Variants in PDE12 observed in about 807,000 individuals in gnomAD.
PDE12 encodes 2',5'-phosphodiesterase 12.
Under a neutral mutation model 45.4 loss-of-function variants are expected in PDE12, and 26 were observed. That is an observed-to-expected ratio of 0.57 (90% CI 0.42 to 0.79). The LOEUF (loss-of-function observed/expected upper bound fraction) is 0.79. Ranked by LOEUF, PDE12 falls within the 30% of genes least tolerant of loss-of-function variation. The probability of loss-of-function intolerance (pLI) is 0.00; values close to 1 mark genes in which losing one functional copy is unlikely to be tolerated. For synonymous variants in PDE12, 283 were observed against 323.9 expected (o/e 0.87, Z 1.36); for missense variants, 668 against 790.0 (o/e 0.85, Z 1.85).
chr3:57,639,746 G>C, the PDE12 span, among the ~76,000 whole-genome samples: 1 of 151,994 alleles, frequency 6.6e-6, no homozygotes, highest in Non-Finnish European at 1.5e-5. Flanking sequence ...TTAGCACACA[G>C]TTCTGATTGC....
chr3:57,587,223 G>A, the PDE12 span, among the ~76,000 whole-genome samples: 2 of 151,144 alleles, frequency 1.3e-5, no homozygotes, highest in Non-Finnish European at 2.9e-5. Flanking sequence ...GGAGGCTGAG[G>A]CAGGAGACTC....
chr3:57,570,219 G>GTTTTTTTTTTTTTTTTTTTTT (rs34599005), downstream of PDE12, among the ~76,000 whole-genome samples: 4 of 102,314 alleles, frequency 3.9e-5, no homozygotes, highest in African/African-American at 1.5e-4. Context: ...TTAATCCAGT[G>GTTTTTTTTTTTTTTTTTTTTT]TTTTTTTTTT....
chr3:57,641,616 T>C, the PDE12 span: 1 of 1,563,444 alleles, frequency 6.4e-7, no homozygotes, highest in South Asian at 1.2e-5. Context: ...TCAGCAACAC[T>C]GCACACTAGA....
chr3:57,581,825 G>A, the PDE12 span, among the ~76,000 whole-genome samples: 1 of 152,132 alleles, frequency 6.6e-6, no homozygotes, highest in East Asian at 1.9e-4. Context: ...AGAGGGTAGA[G>A]CACATTAGAG....
downstream of PDE12, among the ~76,000 whole-genome samples, chr3:57,568,336 T>A (rs866942854): frequency 5.3e-5 from 8 of 151,810 alleles, no homozygotes; most frequent in Non-Finnish European, 7.4e-5. Flanking sequence ...GGGCCTGTAG[T>A]CCCAGCTATG....
the PDE12 span, among the ~76,000 whole-genome samples, chr3:57,581,798 A>C: frequency 6.6e-6 from 1 of 152,218 alleles, no homozygotes; most frequent in Non-Finnish European, 1.5e-5. Flanking sequence ...ATCTCAAAAA[A>C]AATAAACAAA....
At position 57,561,547 on chromosome 3, in the gene PDE12, A is replaced by T; in HGVS notation, c.*1543A>T. 1.0e-6 allele frequency: 1 copy of T among 984,120 alleles called. No individual in the cohort carries two copies. The highest frequency in any genetic ancestry group is 1.2e-6 in the Non-Finnish European group (1 of 828,712). The allele number at this position is 984,120 out of a possible 1,614,324, so 61.0% of individuals were successfully genotyped here. A position where few individuals can be genotyped will look rare whatever the true frequency, so the allele number is the denominator to read the frequency against. ...GTAACCATGCTTTACTAATTCAGTT[A>T]TGAAATACATTATTTATAATGCATT... On this transcript the variant is annotated 3_prime_UTR_variant, in exon 3 of 3. Coordinates refer to ENST00000311180, the MANE Select transcript of PDE12 (RefSeq NM_177966.7).
rs1020930653 is a variant in PDE12 at position 57,563,073 on chromosome 3, C to A, written c.*3069C>A. ...AATAAAGGCAGAGGTTCCCTGCAAA[C>A]TAGTTTGGTTGGGATAAATCCAATA... On this transcript the variant is annotated 3_prime_UTR_variant, in exon 3 of 3. Coordinates refer to ENST00000311180, the MANE Select transcript of PDE12 (RefSeq NM_177966.7). 2 of 152,168 alleles carry A rather than the reference C, an allele frequency of 1.3e-5. No homozygotes were observed. The highest frequency in any genetic ancestry group is 1.3e-4 in the Admixed American group (2 of 15,266). 9.4% of individuals were successfully genotyped at this position (152,168 alleles called of 1,614,324 possible).
chr3:57,633,732 A>C, the PDE12 span, among the ~76,000 whole-genome samples: 8 of 151,598 alleles, frequency 5.3e-5, no homozygotes, highest in Middle Eastern at 6.8e-3. Flanking sequence ...CTACTAAAAA[A>C]TACAAAAATT....
the PDE12 span, among the ~76,000 whole-genome samples, chr3:57,585,372 C>T: frequency 2.0e-5 from 3 of 152,014 alleles, no homozygotes; most frequent in Non-Finnish European, 2.9e-5. Context: ...GTAACTATGT[C>T]CTAGTGACCT....
the PDE12 span, among the ~76,000 whole-genome samples, chr3:57,582,404 G>A: frequency 2.5e-4 from 38 of 149,412 alleles, no homozygotes; most frequent in Non-Finnish European, 5.2e-4. Context: ...CACCACGCCC[G>A]GCTAATTTTT....
chr3:57,591,302 C>T, the PDE12 span, among the ~76,000 whole-genome samples: 16 of 151,884 alleles, frequency 1.1e-4, no homozygotes, highest in African/African-American at 3.6e-4. Context: ...TAATTTTTAT[C>T]ATCTGATGAA....
the PDE12 span, among the ~76,000 whole-genome samples, chr3:57,655,752 A>G: frequency 1.3e-5 from 2 of 152,220 alleles, no homozygotes; most frequent in African/African-American, 4.8e-5. Context: ...CCAAATGCAA[A>G]AAAGTCCAAA....
the PDE12 span, chr3:57,577,283 T>C: frequency 1.0e-5 from 16 of 1,573,190 alleles, no homozygotes; most frequent in Non-Finnish European, 1.4e-5. Context: ...AAAGCACACC[T>C]TGAAAATGAT....
At chr3:57,608,807 C>T in the PDE12 span, among the ~76,000 whole-genome samples, 4 of 152,192 alleles carry the variant, frequency 2.6e-5, no homozygotes, top group Admixed American at 1.3e-4. Flanking sequence ...TAACACCCCA[C>T]TGTCAACATT....
At chr3:57,589,737 C>T in the PDE12 span, among the ~76,000 whole-genome samples, 416 of 149,044 alleles carry the variant, frequency 2.8e-3, no homozygotes, top group Non-Finnish European at 4.9e-3. Context: ...AACAAAAAAC[C>T]CAAAAAAACA....
chr3:57,613,506 C>G, the PDE12 span, among the ~76,000 whole-genome samples: 1 of 151,460 alleles, frequency 6.6e-6, no homozygotes, highest in East Asian at 2.0e-4. Context: ...CTTGGTCAGG[C>G]TGGTCTGGAA....
At chr3:57,655,330 G>A in the PDE12 span, among the ~76,000 whole-genome samples, 2 of 152,198 alleles carry the variant, frequency 1.3e-5, no homozygotes, top group Non-Finnish European at 2.9e-5. Context: ...ACTGCATCTG[G>A]CGGGAAACAA....
At chr3:57,641,429 AATAAT>A in the PDE12 span, among the ~76,000 whole-genome samples, 1 of 148,180 alleles carries the variant, frequency 6.7e-6, no homozygotes, top group Non-Finnish European at 1.5e-5. Context: ...ATTATTCTAT[AATAAT>A]ATAACACTAT....
Sources: gnomAD v4.1 joint callset for allele counts (sites outside exome capture counted in the v4.1 genomes callset) on GRCh38, gnomAD v4.1.1 for gene constraint, MANE v1.5 for transcripts, NCBI Gene and HGNC (gene_info 2026-07-23, HGNC 2026-07-21) for gene names.